RAD52: variants seen among roughly 807,000 people sequenced by gnomAD.
The protein encoded by RAD52 is DNA repair protein RAD52 homolog.
RAD52 carries 47 observed loss-of-function variants against 55.5 expected under a neutral mutation model. The ratio of observed to expected loss-of-function variants is 0.85; its 90% confidence interval spans 0.67 to 1.08. RAD52 has a LOEUF of 1.08. Ranked by LOEUF, RAD52 falls within the 50% of genes least tolerant of loss-of-function variation. The pLI is 0.00. For synonymous variants in RAD52, 184 were observed against 198.9 expected (o/e 0.92, Z 0.63); for missense variants, 468 against 522.8 (o/e 0.90, Z 1.02).
At chr12:919,048 A>G (rs955816792) in intron 7 of RAD52, among the ~76,000 whole-genome samples, 1 of 152,196 alleles carries the variant, frequency 6.6e-6, no homozygotes, top group African/African-American at 2.4e-5. Flanking sequence ...AAGACAGGAT[A>G]GTAGTTACTT....
intron 1 of RAD52, among the ~76,000 whole-genome samples, chr12:984,693 C>T (rs1422903980): frequency 6.8e-6 from 1 of 147,478 alleles, no homozygotes; most frequent in African/African-American, 2.5e-5. Context: ...GAGATGGAGT[C>T]TTGCTCTGTC....
chr12:923,785 C>T (rs572495874), intron 7 of RAD52, among the ~76,000 whole-genome samples: 3 of 152,078 alleles, frequency 2.0e-5, no homozygotes, highest in South Asian at 4.2e-4. Context: ...AGGCCGGGTG[C>T]GGTGGCTCAC....
upstream of RAD52, among the ~76,000 whole-genome samples, chr12:950,503 C>T (rs1958499729): frequency 6.7e-6 from 1 of 148,404 alleles, no homozygotes; most frequent in South Asian, 2.1e-4. Flanking sequence ...CCCCGGGGGA[C>T]GGAGCCTGCA....
chr12:984,077 T>A (rs1959055023), intron 1 of RAD52, among the ~76,000 whole-genome samples: 1 of 152,238 alleles, frequency 6.6e-6, no homozygotes, highest in African/African-American at 2.4e-5. Context: ...TCTGCAGACA[T>A]CACCCTTATC....
At chr12:955,367 G>C (rs1186496300) in intron 1 of RAD52, among the ~76,000 whole-genome samples, 1 of 152,152 alleles carries the variant, frequency 6.6e-6, no homozygotes, top group Non-Finnish European at 1.5e-5. Flanking sequence ...ACTGTGTAAA[G>C]ATATCTGTAG....
chr12:964,121 A>C (rs544281499), intron 1 of RAD52, among the ~76,000 whole-genome samples: 46 of 152,298 alleles, frequency 3.0e-4, no homozygotes, highest in African/African-American at 1.1e-3. Context: ...GGTTCAGACA[A>C]GGCATTTAGG....
At chr12:961,034 G>A (rs1022821517) in intron 1 of RAD52, among the ~76,000 whole-genome samples, 1 of 151,916 alleles carries the variant, frequency 6.6e-6, no homozygotes, top group Non-Finnish European at 1.5e-5. Context: ...TTGAAAAAGA[G>A]GGGCCGGGTG....
intron 5 of RAD52, among the ~76,000 whole-genome samples, chr12:928,990 G>C (rs1957187848): frequency 6.6e-6 from 1 of 151,984 alleles, no homozygotes; most frequent in Non-Finnish European, 1.5e-5. Flanking sequence ...TCAGCCTCTT[G>C]AGTAGCTAGG....
intron 1 of RAD52, among the ~76,000 whole-genome samples, chr12:959,941 C>A (rs1035143804): frequency 6.6e-6 from 1 of 152,118 alleles, no homozygotes; most frequent in Non-Finnish European, 1.5e-5. Context: ...TATTTTAACA[C>A]TGGGCACAGC....
chr12:990,826 G>A (rs915708242), upstream of RAD52, among the ~76,000 whole-genome samples: 2 of 151,780 alleles, frequency 1.3e-5, no homozygotes, highest in African/African-American at 2.4e-5. Context: ...ACACGAAGCG[G>A]CTCCTCGGGC....
upstream of RAD52, among the ~76,000 whole-genome samples, chr12:952,854 T>C (rs1269805666): frequency 2.3e-5 from 3 of 131,760 alleles, no homozygotes; most frequent in African/African-American, 5.9e-5. Flanking sequence ...ATATAGTCAT[T>C]GCACTTGAGC....
At chr12:932,518 G>A (rs1002517652) in intron 2 of RAD52, among the ~76,000 whole-genome samples, 1 of 151,980 alleles carries the variant, frequency 6.6e-6, no homozygotes, top group African/African-American at 2.4e-5. Flanking sequence ...AATAGAACTG[G>A]GTGGCATGCA....
chr12:986,250 G>A (rs1427821434), intron 1 of RAD52, among the ~76,000 whole-genome samples: 1 of 152,090 alleles, frequency 6.6e-6, no homozygotes, highest in African/African-American at 2.4e-5. Flanking sequence ...TTAAAATAGA[G>A]ACAGGGTCTC....
chr12:918,019 T>TA (rs1198776357), intron 7 of RAD52, among the ~76,000 whole-genome samples: 1 of 152,178 alleles, frequency 6.6e-6, no homozygotes, highest in Non-Finnish European at 1.5e-5. Context: ...AATTGGAACT[T>TA]ACGCAATGCC....
chr12:931,816 T>C (rs949908553), intron 2 of RAD52, among the ~76,000 whole-genome samples: 1 of 152,200 alleles, frequency 6.6e-6, no homozygotes, highest in African/African-American at 2.4e-5. Flanking sequence ...AAGCCTTGCT[T>C]CCATTTGTCC....
intron 1 of RAD52, among the ~76,000 whole-genome samples, chr12:939,831 C>T (rs546634057): frequency 6.6e-6 from 1 of 152,154 alleles, no homozygotes; most frequent in Admixed American, 6.5e-5. Context: ...AATCCCAGCA[C>T]TCTGGGAAGC....
chr12:940,500 G>A (rs1957865493), intron 1 of RAD52, among the ~76,000 whole-genome samples: 1 of 152,102 alleles, frequency 6.6e-6, no homozygotes, highest in African/African-American at 2.4e-5. Context: ...AGGAAGCTGA[G>A]GCAGGAGAAT....
intron 1 of RAD52, among the ~76,000 whole-genome samples, chr12:979,940 G>A (rs10744733): frequency 0.77 from 116,895 of 151,932 alleles, 46,845 homozygotes; most frequent in East Asian, 0.98. Flanking sequence ...CCAGCTACTC[G>A]GGAGGCCGAG....
intron 1 of RAD52, chr12:975,355 C>T (rs944134934): frequency 6.6e-5 from 10 of 152,090 alleles, no homozygotes; most frequent in Admixed American, 4.6e-4. Context: ...TATCAGGTAT[C>T]AAAAACTTCA....
Sources: gnomAD v4.1 joint callset for allele counts (sites outside exome capture counted in the v4.1 genomes callset) on GRCh38, gnomAD v4.1.1 for gene constraint, MANE v1.5 for transcripts, NCBI Gene and HGNC (gene_info 2026-07-23, HGNC 2026-07-21) for gene names.